CDH4: variants seen among roughly 807,000 people sequenced by gnomAD.
The protein encoded by CDH4 is cadherin 4, also known as cadherin-4.
Under a neutral mutation model 86.0 loss-of-function variants are expected in CDH4, and 33 were observed. That is an observed-to-expected ratio of 0.38 (90% CI 0.29 to 0.51). The LOEUF (loss-of-function observed/expected upper bound fraction) is 0.51, where lower values mean the gene tolerates loss of function less well. Among genes scored for constraint, CDH4 ranks in the 20% least tolerant of loss-of-function variants. The pLI, the probability that CDH4 is intolerant of heterozygous loss-of-function variation, is 0.86. For missense variants in CDH4, 1,114 were observed against 1,307.4 expected (o/e 0.85, Z 2.28); for synonymous variants, 555 against 549.4 (o/e 1.01, Z -0.14).
chr20:61,427,539 A>G (rs1469057864), intron 2 of CDH4, among the ~76,000 whole-genome samples: 1 of 151,166 alleles, frequency 6.6e-6, no homozygotes, highest in Non-Finnish European at 1.5e-5. Context: ...GCTCCAGCCT[A>G]TCTAGCATCA....
intron 2 of CDH4, among the ~76,000 whole-genome samples, chr20:61,643,891 A>G (rs1362828294): frequency 1.3e-5 from 2 of 152,254 alleles, no homozygotes; most frequent in African/African-American, 2.4e-5. Context: ...TCCAGAAAAA[A>G]ATAAATGATT....
chr20:61,862,287 G>A (rs1313274428), intron 6 of CDH4, among the ~76,000 whole-genome samples: 1 of 152,178 alleles, frequency 6.6e-6, no homozygotes, highest in Non-Finnish European at 1.5e-5. Flanking sequence ...TTGCCGTGGA[G>A]GCTGCAGGGA....
intron 2 of CDH4, among the ~76,000 whole-genome samples, chr20:61,698,270 C>T (rs1021213301): frequency 1.3e-5 from 2 of 152,252 alleles, no homozygotes; most frequent in East Asian, 3.9e-4. Flanking sequence ...CCCATGCCGG[C>T]GTCTGCCCCA....
intron 9 of CDH4, among the ~76,000 whole-genome samples, chr20:61,911,210 T>C (rs537829627): frequency 6.6e-6 from 1 of 152,372 alleles, no homozygotes; most frequent in South Asian, 2.1e-4. Context: ...GTGCTTCTTT[T>C]TGTTTTGGAG....
chr20:61,588,962 C>T (rs959950630), intron 2 of CDH4, among the ~76,000 whole-genome samples: 6 of 152,182 alleles, frequency 3.9e-5, no homozygotes, highest in South Asian at 2.1e-4. Context: ...AAAACACACG[C>T]GGAGATAAAT....
chr20:61,594,478 C>T (rs1170340229), intron 2 of CDH4, among the ~76,000 whole-genome samples: 1 of 152,160 alleles, frequency 6.6e-6, no homozygotes, highest in East Asian at 1.9e-4. Flanking sequence ...CATGTGTGTC[C>T]CCTCAACGTC....
chr20:61,483,610 CTGTGG>C (rs2085579723), intron 2 of CDH4, among the ~76,000 whole-genome samples: 2 of 152,152 alleles, frequency 1.3e-5, no homozygotes, highest in South Asian at 4.1e-4. Flanking sequence ...CCCTCTTTCA[CTGTGG>C]TTGGAGCCTG....
intron 4 of CDH4, among the ~76,000 whole-genome samples, chr20:61,842,548 A>G (rs1488077808): frequency 1.3e-5 from 2 of 152,166 alleles, no homozygotes. Flanking sequence ...TAAATTGTAT[A>G]TTTTCTCAAA....
At chr20:61,323,355 GT>G (rs902161565) in intron 2 of CDH4, among the ~76,000 whole-genome samples, 2 of 152,170 alleles carry the variant, frequency 1.3e-5, no homozygotes, top group African/African-American at 4.8e-5. Context: ...AGGAGGGGAT[GT>G]TTGGGAAAGT....
At chr20:61,369,022 C>G (rs954453807) in intron 2 of CDH4, among the ~76,000 whole-genome samples, 6 of 152,114 alleles carry the variant, frequency 3.9e-5, no homozygotes, top group African/African-American at 1.4e-4. Flanking sequence ...CCAAAGTGAG[C>G]AACATTCTGT....
chr20:61,601,816 C>A (rs373649589), intron 2 of CDH4, among the ~76,000 whole-genome samples: 1 of 152,220 alleles, frequency 6.6e-6, no homozygotes, highest in Non-Finnish European at 1.5e-5. Context: ...TCCTGGTGCC[C>A]GTGGATGCCC....
In CDH4 at chr20:61,412,689, C is replaced by T. The variant is rs76583913; in HGVS notation, c.169+157752C>T. Among the ~76,000 whole-genome samples, 113 of 152,332 alleles carry T rather than the reference C, an allele frequency of 7.4e-4. 2 individuals are homozygous for T. The East Asian group carries it at 0.02, about 27-fold the overall frequency. The stretch of plus-strand genomic sequence containing the variant: ...TGCCTTCTCCACGTGGTGGTCTCTG[C>T]CAGCTCCAGGTCGACTTTATTCGTG... On this transcript the variant is annotated intron_variant, in intron 2 of 15. Coordinates refer to ENST00000614565, the MANE Select transcript of CDH4 (RefSeq NM_001794.5).
At chr20:61,861,744 C>T (rs1983336063) in intron 6 of CDH4, among the ~76,000 whole-genome samples, 1 of 152,164 alleles carries the variant, frequency 6.6e-6, no homozygotes, top group South Asian at 2.1e-4. Flanking sequence ...CCAAGCGTCA[C>T]GTACACCATC....
intron 2 of CDH4, among the ~76,000 whole-genome samples, chr20:61,705,566 T>A (rs1480904712): frequency 1.3e-5 from 2 of 152,174 alleles, no homozygotes; most frequent in Non-Finnish European, 2.9e-5. Context: ...GGTCCGTTCC[T>A]GCCACTTCCA....
Position 61,598,499 on chromosome 20 carries a change from C to T in CDH4, c.170-145064C>T, listed in dbSNP as rs920202409. On this transcript the variant is annotated intron_variant, in intron 2 of 15. Coordinates refer to ENST00000614565, the MANE Select transcript of CDH4 (RefSeq NM_001794.5). Reference sequence around the variant, plus strand: ...CACTCGCCTTTCAGCCAGAGCCACACCCCCTCCTGAAACAAAAGGGACCTG... The same window carrying T: ...CACTCGCCTTTCAGCCAGAGCCACATCCCCTCCTGAAACAAAAGGGACCTG... Among the ~76,000 whole-genome samples, 4 of 152,132 alleles carry T rather than the reference C, an allele frequency of 2.6e-5. No homozygotes were observed. The South Asian group carries it at 6.2e-4, about 24-fold the overall frequency.
intron 2 of CDH4, among the ~76,000 whole-genome samples, chr20:61,314,710 A>G (rs1161861310): frequency 1.3e-5 from 2 of 152,146 alleles, no homozygotes; most frequent in African/African-American, 2.4e-5. Context: ...ATCTTCCATA[A>G]CGCTCATCCC....
chr20:61,308,253 A>C (rs562693635), intron 2 of CDH4, among the ~76,000 whole-genome samples: 2 of 152,304 alleles, frequency 1.3e-5, no homozygotes, highest in African/African-American at 4.8e-5. Flanking sequence ...TGTAATTTTC[A>C]AGGGTTCTGC....
chr20:61,923,762 G>A (rs2055012434), intron 10 of CDH4, 58 bp downstream of exon 10: 1 of 1,556,594 alleles, frequency 6.4e-7, no homozygotes, highest in African/African-American at 1.4e-5. Context: ...CCATACAGAA[G>A]GGTCCAGAAA....
intron 2 of CDH4, among the ~76,000 whole-genome samples, chr20:61,512,761 A>C (rs2085789598): frequency 6.6e-6 from 1 of 152,234 alleles, no homozygotes; most frequent in African/African-American, 2.4e-5. Context: ...ACAAGCACGC[A>C]CATCCCAGGA....
Sources: allele counts gnomAD v4.1 joint callset (sites outside exome capture counted in the v4.1 genomes callset), GRCh38; gene constraint gnomAD v4.1.1; transcripts MANE v1.5; gene names NCBI Gene and HGNC (gene_info 2026-07-23, HGNC 2026-07-21).